Variants in FRMD6 observed in about 807,000 individuals in gnomAD.
The protein encoded by FRMD6 is FERM domain-containing protein 6.
A neutral mutation model predicts 73.2 loss-of-function variants in FRMD6; 37 were observed. That is an observed-to-expected ratio of 0.51 (90% CI 0.39 to 0.66). The LOEUF is 0.66. Ranked by LOEUF, FRMD6 falls within the 30% of genes least tolerant of loss-of-function variation. The pLI is 0.00. For synonymous variants in FRMD6, 273 were observed against 282.2 expected, an observed-to-expected ratio of 0.97 and a Z score of 0.33; for missense variants, 714 against 780.5, an observed-to-expected ratio of 0.91 and a Z score of 1.02.
At chr14:51,525,861 C>T (rs1387676934) in intron 1 of FRMD6, among the ~76,000 whole-genome samples, 2 of 152,100 alleles carry the variant, frequency 1.3e-5, no homozygotes, top group East Asian at 3.9e-4. Flanking sequence ...CACTGTGAGG[C>T]ACAGACTCTG....
the FRMD6 span, among the ~76,000 whole-genome samples, chr14:51,416,040 TC>T: frequency 6.6e-6 from 1 of 152,236 alleles, no homozygotes; most frequent in African/African-American, 2.4e-5. Flanking sequence ...GATTCTTCTC[TC>T]TTTTCTTCTT....
At chr14:51,668,936 T>G (rs1309256720) in intron 1 of FRMD6, among the ~76,000 whole-genome samples, 1 of 152,228 alleles carries the variant, frequency 6.6e-6, no homozygotes, top group African/African-American at 2.4e-5. Context: ...CCCAAAGTGC[T>G]GGGATTACAG....
intron 5 of FRMD6, among the ~76,000 whole-genome samples, 186 bp downstream of exon 5, chr14:51,702,774 T>C (rs1003869364): frequency 3.3e-5 from 5 of 152,038 alleles, no homozygotes; most frequent in African/African-American, 4.8e-5. Flanking sequence ...AAAACAGAGA[T>C]ACAATAGGCA....
At chr14:51,721,898 A>G (rs1164254462) in intron 11 of FRMD6, 51 bp from the exon 12 acceptor site, 7 of 1,603,508 alleles carry the variant, frequency 4.4e-6, no homozygotes, top group African/African-American at 1.3e-5. Flanking sequence ...GCATATTATG[A>G]TGGTCATTTC....
At chr14:51,603,042 A>T (rs10142826) in intron 2 of FRMD6, among the ~76,000 whole-genome samples, 29,997 of 152,206 alleles carry the variant, frequency 0.2, 3,534 homozygotes, top group African/African-American at 0.33. Context: ...GATTAAGTCA[A>T]GAGGGCTGAG....
intron 1 of FRMD6, among the ~76,000 whole-genome samples, chr14:51,567,432 C>T (rs1236658552): frequency 1.3e-5 from 2 of 152,156 alleles, no homozygotes; most frequent in African/African-American, 4.8e-5. Context: ...CTGCAACCTC[C>T]AACTCCTGGG....
At chr14:51,476,004 C>T in the FRMD6 span, among the ~76,000 whole-genome samples, 1 of 152,164 alleles carries the variant, frequency 6.6e-6, no homozygotes, top group Non-Finnish European at 1.5e-5. Flanking sequence ...TCATTTGCCC[C>T]CGGCTATTTT....
At chr14:51,663,130 G>A (rs1335420712) in intron 1 of FRMD6, among the ~76,000 whole-genome samples, 1 of 152,210 alleles carries the variant, frequency 6.6e-6, no homozygotes, top group Non-Finnish European at 1.5e-5. Flanking sequence ...TGCTGGCAAG[G>A]TTGTGGAGGA....
intron 1 of FRMD6, among the ~76,000 whole-genome samples, chr14:51,686,029 A>G (rs1326488460): frequency 2.6e-5 from 4 of 152,194 alleles, no homozygotes; most frequent in African/African-American, 9.6e-5. Flanking sequence ...CGCTTACAGT[A>G]ATCTTAACAA....
chr14:51,603,227 G>C (rs79996622), intron 2 of FRMD6, among the ~76,000 whole-genome samples: 1 of 147,804 alleles, frequency 6.8e-6, no homozygotes, highest in African/African-American at 2.5e-5. Flanking sequence ...CAGAACTATA[G>C]GAAAAAAATT....
At chr14:51,515,983 A>G (rs948182356) in intron 1 of FRMD6, among the ~76,000 whole-genome samples, 1 of 152,214 alleles carries the variant, frequency 6.6e-6, no homozygotes, top group South Asian at 2.1e-4. Flanking sequence ...GAAGGCCAGA[A>G]GGAGGCACTT....
rs1898164078 is a variant in FRMD6, at chr14:51,729,753, G to A, written c.*1724G>A. On this transcript the variant is annotated 3_prime_UTR_variant, in exon 14 of 14. Transcript: ENST00000344768. ...CAAATGGTGAGCTGGAACATGCCCT[G>A]TCTGTGCTGTCCCTCCTGTGCTGGG... 1 of 152,646 alleles carries A rather than the reference G, an allele frequency of 6.6e-6. No individual in the cohort carries two copies. Among genetic ancestry groups the A allele is most frequent in the Non-Finnish European group, 1.5e-5 (1 of 68,036 alleles). 9.5% of individuals were successfully genotyped at this position (152,646 alleles called of 1,614,324 possible).
At chr14:51,425,290 T>G in the FRMD6 span, among the ~76,000 whole-genome samples, 2 of 152,192 alleles carry the variant, frequency 1.3e-5, no homozygotes, top group African/African-American at 4.8e-5. Context: ...CTCCACCACC[T>G]CGGTTCACAA....
At chr14:51,482,865 G>A in the FRMD6 span, among the ~76,000 whole-genome samples, 2,705 of 151,796 alleles carry the variant, frequency 0.018, 85 homozygotes, top group African/African-American at 0.062. Flanking sequence ...CACACCTGGC[G>A]AATTTTTTGT....
At chr14:51,719,944 A>G (rs746854912) in intron 10 of FRMD6, 111 bp from the exon 11 acceptor site, 57 of 771,926 alleles carry the variant, frequency 7.4e-5, no homozygotes, top group Non-Finnish European at 1.1e-4. Context: ...CTACTTTCCA[A>G]TCACTAGATT....
At chr14:51,471,813 AG>A in the FRMD6 span, among the ~76,000 whole-genome samples, 18 of 152,210 alleles carry the variant, frequency 1.2e-4, no homozygotes, top group Non-Finnish European at 1.9e-4. Flanking sequence ...GAAGAAAGAA[AG>A]AAAATGAAAA....
intron 1 of FRMD6, among the ~76,000 whole-genome samples, chr14:51,682,924 G>A (rs889976480): frequency 6.6e-6 from 1 of 152,076 alleles, no homozygotes; most frequent in Non-Finnish European, 1.5e-5. Flanking sequence ...GCCAGGGTGG[G>A]GACAACACAC....
At chr14:51,721,393 C>T (rs1399448329) in intron 11 of FRMD6, among the ~76,000 whole-genome samples, 3 of 152,200 alleles carry the variant, frequency 2.0e-5, no homozygotes, top group South Asian at 4.1e-4. Flanking sequence ...AGGCGGATCA[C>T]GAGGTCAAGA....
intron 1 of FRMD6, among the ~76,000 whole-genome samples, chr14:51,678,618 A>G (rs1367847843): frequency 6.6e-6 from 1 of 152,168 alleles, no homozygotes; most frequent in African/African-American, 2.4e-5. Context: ...TAGTGTATTT[A>G]ACAAGTCCTA....
Sources: allele counts gnomAD v4.1 joint callset (sites outside exome capture counted in the v4.1 genomes callset), GRCh38; gene constraint gnomAD v4.1.1; transcripts MANE v1.5; gene names NCBI Gene and HGNC (gene_info 2026-07-23, HGNC 2026-07-21).